Variants in ATP8B4 observed in about 807,000 individuals in gnomAD.
ATP8B4 encodes the protein probable phospholipid-transporting ATPase IM.
ATP8B4 carries 133 observed loss-of-function variants against 145.6 expected under a neutral mutation model. The ratio of observed to expected loss-of-function variants is 0.91; its 90% CI spans 0.79 to 1.05. The LOEUF (loss-of-function observed/expected upper bound fraction) is 1.05. Ranked by LOEUF, ATP8B4 falls within the 50% of genes least tolerant of loss-of-function variation. The pLI is 0.00. For missense variants in ATP8B4, 1,458 were observed against 1,425.2 expected (o/e 1.02, Z -0.37); for synonymous variants, 507 against 492.9 (o/e 1.03, Z -0.38).
chr15:49,860,055 GT>G lies in ATP8B4; in HGVS notation c.*138del. ...CACTCCTGTTTGATGGGCACTGGCA[GT>G]TGTCTGCCGCAGATTTAAGTTAAGT... On this transcript the variant is annotated 3_prime_UTR_variant, in exon 28 of 28. Coordinates refer to ENST00000284509, the MANE Select transcript of ATP8B4 (RefSeq NM_024837.4). The G allele has an allele frequency of 9.5e-7, 1 of 1,048,016 alleles. No individual in the cohort carries two copies. The highest frequency in any genetic ancestry group is 1.4e-6 in the Non-Finnish European group (1 of 726,712). The allele number at this position is 1,048,016 out of a possible 1,614,324, so 64.9% of individuals were successfully genotyped here.
intron 27 of ATP8B4, 52 bp downstream of exon 27, chr15:49,862,193 A>G: frequency 1.9e-6 from 3 of 1,583,666 alleles, no homozygotes; most frequent in Non-Finnish European, 2.6e-6. Context: ...AAAGGACACC[A>G]TTTCAAGAGC....
At chr15:50,062,412 A>C (rs940603569) in intron 3 of ATP8B4, among the ~76,000 whole-genome samples, 1 of 152,138 alleles carries the variant, frequency 6.6e-6, no homozygotes, top group African/African-American at 2.4e-5. Context: ...CCCCAGAAGC[A>C]GATGCTGCTA....
rs149186906 is a variant in ATP8B4, at chr15:49,892,486, G to A, written c.2697+4806C>T. Among the ~76,000 whole-genome samples, 1,320 of 152,256 alleles carry A rather than the reference G, an allele frequency of 8.7e-3. 8 individuals are homozygous for A. The highest frequency in any genetic ancestry group is 0.014 in the Non-Finnish European group (978 of 68,004). On this transcript the variant is annotated intron_variant, in intron 23 of 27. Transcript: ENST00000284509. ...TTTTGTAAAGGGAGAAACATAAAGA[G>A]CCTGTTCCTATGGGGACAATATTCT...
chr15:49,964,189 G>C (rs138077790), intron 13 of ATP8B4, among the ~76,000 whole-genome samples: 1 of 152,176 alleles, frequency 6.6e-6, no homozygotes, highest in African/African-American at 2.4e-5. Flanking sequence ...CTGGAATGCT[G>C]TATGGCTGCT....
At chr15:50,062,329 G>T (rs969263001) in intron 3 of ATP8B4, among the ~76,000 whole-genome samples, 2 of 152,084 alleles carry the variant, frequency 1.3e-5, no homozygotes, top group Non-Finnish European at 2.9e-5. Flanking sequence ...TCACTCTCTT[G>T]CTCCTGCTTT....
chr15:49,988,555 AG>A, intron 9 of ATP8B4, among the ~76,000 whole-genome samples: 1 of 152,288 alleles, frequency 6.6e-6, no homozygotes, highest in East Asian at 1.9e-4. Context: ...GTACCTACAA[AG>A]TTCTCTCTCT....
At chr15:49,860,529 G>T in intron 27 of ATP8B4, 54 bp from the exon 28 acceptor site, 3 of 1,507,180 alleles carry the variant, frequency 2.0e-6, no homozygotes, top group Non-Finnish European at 2.7e-6. Flanking sequence ...TAGACTCCAG[G>T]CAGTGGCCCA....
At chr15:50,073,081 G>A (rs2053959091) in intron 3 of ATP8B4, among the ~76,000 whole-genome samples, 1 of 147,094 alleles carries the variant, frequency 6.8e-6, no homozygotes, top group Non-Finnish European at 1.5e-5. Context: ...ATATATGTGT[G>A]TGTGTATATA....
rs1217671912 is a variant in ATP8B4, at chr15:49,933,914, C to T, written c.1453+103G>A. The T allele has an allele frequency of 3.2e-6, 4 of 1,246,320 alleles. No individual in the cohort carries two copies. The East Asian group carries it at 1.1e-4, about 33-fold the overall frequency. The allele number at this position is 1,246,320 out of a possible 1,614,324, so 77.2% of individuals were successfully genotyped here. On this transcript the variant is annotated intron_variant, in intron 15 of 27. Coordinates refer to ENST00000284509, the MANE Select transcript of ATP8B4 (RefSeq NM_024837.4). ...AAAAACAAAAACAAAAAACAAGGCT[C>T]ACTGCTCAAATGCTTAATTTGTAAA...
rs370362647 is a variant in ATP8B4, at chr15:49,876,265, C to G, written c.3027+13G>C. ...AACCCATCAAGTTAAGGTGCTTACA[C>G]CGACAGCGTTACCTGCACACTGACC... On this transcript the variant is annotated intron_variant, in intron 25 of 27. Coordinates refer to ENST00000284509, the MANE Select transcript of ATP8B4 (RefSeq NM_024837.4). 3 of 1,612,264 alleles carry G rather than the reference C, an allele frequency of 1.9e-6. No individual in the cohort carries two copies. The African/African-American group carries it at 4.0e-5, about 22-fold the overall frequency.
At chr15:49,950,598 A>AAAC (rs1555427818) in intron 14 of ATP8B4, among the ~76,000 whole-genome samples, 2 of 87,404 alleles carry the variant, frequency 2.3e-5, no homozygotes, top group African/African-American at 7.2e-5. Flanking sequence ...ACTAAAAAAA[A>AAAC]AAAACAAACA....
chr15:50,084,573 C>A (rs912866329), intron 2 of ATP8B4, among the ~76,000 whole-genome samples: 1 of 152,188 alleles, frequency 6.6e-6, no homozygotes, highest in African/African-American at 2.4e-5. Context: ...CAGTTTTCCA[C>A]TGCTGCTCTA....
chr15:50,017,932 GTT>G (rs1567205912), intron 6 of ATP8B4, among the ~76,000 whole-genome samples: 6 of 151,342 alleles, frequency 4.0e-5, no homozygotes, highest in African/African-American at 1.5e-4. Flanking sequence ...AAGTTGTAAT[GTT>G]TATCATCCCT....
In ATP8B4 at chr15:49,919,636, C is replaced by T. The variant is rs529063870; in HGVS notation, c.1923+610G>A. ...GTTTCACCATGCTAGCCAGGATGGTCTCCATCTCCGGACCTCGTGATCCGC... is the reference window on the plus strand; with the variant it reads ...GTTTCACCATGCTAGCCAGGATGGTTTCCATCTCCGGACCTCGTGATCCGC... On this transcript the variant is annotated intron_variant, in intron 18 of 27. Transcript: ENST00000284509. Among the ~76,000 whole-genome samples, 27 of 152,224 alleles carry T rather than the reference C, an allele frequency of 1.8e-4. No individual in the cohort carries two copies. The South Asian group carries it at 5.2e-3, about 29-fold the overall frequency.
intron 7 of ATP8B4, among the ~76,000 whole-genome samples, chr15:50,006,408 T>TA (rs2153566025): frequency 6.9e-6 from 1 of 144,740 alleles, no homozygotes; most frequent in East Asian, 2.1e-4. Context: ...ATGGTTTACT[T>TA]ACAGCAAATA....
chr15:49,876,995 A>T (rs2034548092), intron 24 of ATP8B4, among the ~76,000 whole-genome samples: 1 of 152,224 alleles, frequency 6.6e-6, no homozygotes, highest in African/African-American at 2.4e-5. Context: ...ATCAGAGCTC[A>T]TGACTTTGGA....
At chr15:50,109,756 C>T (rs746103124) in intron 1 of ATP8B4, among the ~76,000 whole-genome samples, 2 of 151,948 alleles carry the variant, frequency 1.3e-5, no homozygotes. Context: ...CTTTCTTTGT[C>T]CTTATTGGAT....
At chr15:50,152,887 G>A (rs533133579) in intron 1 of ATP8B4, among the ~76,000 whole-genome samples, 2 of 152,216 alleles carry the variant, frequency 1.3e-5, no homozygotes, top group African/African-American at 4.8e-5. Flanking sequence ...AGGTTTTTAG[G>A]CCAGTTACCA....
intron 25 of ATP8B4, among the ~76,000 whole-genome samples, chr15:49,873,667 G>T (rs1036456252): frequency 2.0e-5 from 3 of 152,026 alleles, no homozygotes; most frequent in African/African-American, 4.8e-5. Context: ...AGACTAAAAG[G>T]ATTTTGTGTT....
Sources: gnomAD v4.1 joint callset for allele counts (sites outside exome capture counted in the v4.1 genomes callset) on GRCh38, gnomAD v4.1.1 for gene constraint, MANE v1.5 for transcripts, NCBI Gene and HGNC (gene_info 2026-07-23, HGNC 2026-07-21) for gene names.